The following ZBTB7C variants were observed in gnomAD, a reference collection of about 807,000 sequenced individuals.
ZBTB7C encodes the protein zinc finger and BTB domain-containing protein 7C.
In ZBTB7C, 8 loss-of-function variants were observed where a neutral mutation model predicts 25.7. That is an observed-to-expected ratio of 0.31 (90% CI 0.18 to 0.56). The LOEUF (loss-of-function observed/expected upper bound fraction) is 0.56, where lower values mean the gene tolerates loss of function less well. Among genes scored for constraint, ZBTB7C ranks in the 20% least tolerant of loss-of-function variants. The probability of loss-of-function intolerance (pLI) is 0.91; values close to 1 mark genes in which losing one functional copy is unlikely to be tolerated. For synonymous variants in ZBTB7C, 394 were observed against 369.0 expected (o/e 1.07, Z -0.78); for missense variants, 824 against 855.2 (o/e 0.96, Z 0.46).
In ZBTB7C at chr18:48,155,689, G is replaced by T. The variant is rs1046965621; in HGVS notation, c.-17+30245C>A. On this transcript the variant is annotated intron_variant, in intron 3 of 4. Coordinates refer to ENST00000590800, the MANE Select transcript of ZBTB7C (RefSeq NM_001318841.2). Reference sequence around the variant, plus strand: ...GGTTTTATTTCTTTGAAATGTAAACGATTTCCTTCTCAGTGCTATGACATT... The same window carrying T: ...GGTTTTATTTCTTTGAAATGTAAACTATTTCCTTCTCAGTGCTATGACATT... 3.9e-5 allele frequency among the ~76,000 whole-genome samples: 6 copies of T among 152,134 alleles called. No individual in the cohort carries two copies. In the East Asian group the frequency reaches 1.2e-3, roughly 29 times the overall value.
At chr18:48,031,508 C>A (rs1357201998) in intron 4 of ZBTB7C, among the ~76,000 whole-genome samples, 1 of 152,134 alleles carries the variant, frequency 6.6e-6, no homozygotes, top group African/African-American at 2.4e-5. Context: ...CAGATTTCAC[C>A]TAGATGATTG....
intron 1 of ZBTB7C, among the ~76,000 whole-genome samples, chr18:48,391,284 A>G (rs1045101849): frequency 4.3e-4 from 66 of 152,322 alleles, no homozygotes; most frequent in African/African-American, 1.5e-3. Flanking sequence ...GATGTCTCTC[A>G]GTCTTCTTTA....
chr18:48,240,960 T>C (rs2043506735), intron 2 of ZBTB7C, among the ~76,000 whole-genome samples: 2 of 152,122 alleles, frequency 1.3e-5, no homozygotes, highest in Non-Finnish European at 2.9e-5. Context: ...GAGACTCACC[T>C]AACACATAAG....
chr18:48,255,485 C>T (rs2043994642), intron 2 of ZBTB7C, among the ~76,000 whole-genome samples: 1 of 152,108 alleles, frequency 6.6e-6, no homozygotes, highest in Non-Finnish European at 1.5e-5. Flanking sequence ...CACTGAAGTT[C>T]CACACCACCA....
At chr18:48,394,889 C>A (rs899823863) in intron 1 of ZBTB7C, among the ~76,000 whole-genome samples, 1 of 152,158 alleles carries the variant, frequency 6.6e-6, no homozygotes, top group Non-Finnish European at 1.5e-5. Context: ...GTGCTGTAAA[C>A]GGCGACGCGT....
intron 2 of ZBTB7C, among the ~76,000 whole-genome samples, chr18:48,218,455 A>C (rs886830703): frequency 2.0e-5 from 3 of 152,132 alleles, no homozygotes; most frequent in Non-Finnish European, 4.4e-5. Flanking sequence ...CCTTCTATAC[A>C]CACTTGTGCA....
intron 1 of ZBTB7C, among the ~76,000 whole-genome samples, chr18:48,339,112 T>C (rs2144960042): frequency 6.6e-6 from 1 of 152,374 alleles, no homozygotes; most frequent in South Asian, 2.1e-4. Flanking sequence ...CCAAAGTCCT[T>C]CTGGCTGAAG....
rs1751698852 is a variant in ZBTB7C, at chr18:48,188,025, A to G, written c.-78-2030T>C. Reference sequence around the variant, plus strand: ...ACACACTTAACAAATGGTTAAAATAAATATCCCCCTGCAACAATAGCACAG... The same window carrying G: ...ACACACTTAACAAATGGTTAAAATAGATATCCCCCTGCAACAATAGCACAG... On this transcript the variant is annotated intron_variant, in intron 2 of 4. Transcript: ENST00000590800. Among the ~76,000 whole-genome samples, 5 of 152,124 alleles carry G rather than the reference A, an allele frequency of 3.3e-5. No homozygotes were observed. In the South Asian group the frequency reaches 1.0e-3, roughly 32 times the overall value.
intron 3 of ZBTB7C, among the ~76,000 whole-genome samples, chr18:48,106,866 G>T (rs1475631526): frequency 6.6e-6 from 1 of 152,028 alleles, no homozygotes; most frequent in East Asian, 1.9e-4. Context: ...GACCTCTTTG[G>T]CTTCCCATCT....
chr18:48,127,948 G>T (rs2039860190), intron 3 of ZBTB7C, among the ~76,000 whole-genome samples: 2 of 152,150 alleles, frequency 1.3e-5, no homozygotes, highest in African/African-American at 2.4e-5. Flanking sequence ...GCCAGAGGCT[G>T]CCCAGCCCAG....
intron 3 of ZBTB7C, among the ~76,000 whole-genome samples, chr18:48,154,674 G>T (rs2040780691): frequency 6.6e-6 from 1 of 152,106 alleles, no homozygotes; most frequent in Non-Finnish European, 1.5e-5. Context: ...TATTATAAAG[G>T]CAGTTTTTTT....
chr18:48,042,890 G>T (rs1015281287), intron 3 of ZBTB7C, among the ~76,000 whole-genome samples: 4 of 152,212 alleles, frequency 2.6e-5, no homozygotes, highest in African/African-American at 9.7e-5. Flanking sequence ...CTCTAACAGA[G>T]CTTAGAGGGA....
At chr18:48,379,116 C>T (rs1163366718) in intron 1 of ZBTB7C, among the ~76,000 whole-genome samples, 2 of 152,184 alleles carry the variant, frequency 1.3e-5, no homozygotes, top group African/African-American at 2.4e-5. Flanking sequence ...ATTAATAAGA[C>T]TATCTTTTCT....
intron 2 of ZBTB7C, among the ~76,000 whole-genome samples, chr18:48,312,289 T>A (rs949549707): frequency 6.6e-6 from 1 of 152,210 alleles, no homozygotes. Context: ...TTCTTGTTCA[T>A]CCTGCCTGCT....
At chr18:48,179,835 G>A (rs2041841312) in intron 3 of ZBTB7C, among the ~76,000 whole-genome samples, 1 of 113,278 alleles carries the variant, frequency 8.8e-6, no homozygotes, top group Non-Finnish European at 1.8e-5. Flanking sequence ...TTCCCTTCAA[G>A]GAAGATATTT....
At chr18:48,084,862 T>C (rs566240368) in intron 3 of ZBTB7C, among the ~76,000 whole-genome samples, 8 of 152,288 alleles carry the variant, frequency 5.3e-5, no homozygotes, top group African/African-American at 1.9e-4. Flanking sequence ...AGGGACTCTG[T>C]CACCCGAACC....
intron 2 of ZBTB7C, among the ~76,000 whole-genome samples, chr18:48,246,570 T>C (rs903401186): frequency 6.6e-6 from 1 of 152,054 alleles, no homozygotes; most frequent in African/African-American, 2.4e-5. Flanking sequence ...TGTAGTTGTC[T>C]CTCGCAAATG....
At chr18:48,317,575 C>G (rs1286724654) in intron 2 of ZBTB7C, among the ~76,000 whole-genome samples, 2 of 152,214 alleles carry the variant, frequency 1.3e-5, no homozygotes, top group Non-Finnish European at 2.9e-5. Flanking sequence ...TACAGGGAGG[C>G]ACCAGTGTTT....
intron 2 of ZBTB7C, among the ~76,000 whole-genome samples, chr18:48,260,689 G>C (rs926575183): frequency 3.3e-5 from 5 of 152,178 alleles, no homozygotes; most frequent in African/African-American, 7.2e-5. Flanking sequence ...CTCATATCTG[G>C]TGCGAGAACT....
Sources: allele counts gnomAD v4.1 joint callset (sites outside exome capture counted in the v4.1 genomes callset), GRCh38; gene constraint gnomAD v4.1.1; transcripts MANE v1.5; gene names NCBI Gene and HGNC (gene_info 2026-07-23, HGNC 2026-07-21).